The following CREB1 variants were observed in gnomAD, a reference collection of about 807,000 sequenced individuals.
The protein encoded by CREB1 is cyclic AMP-responsive element-binding protein 1.
CREB1 carries 2 observed loss-of-function variants against 42.0 expected under a neutral mutation model. The ratio of observed to expected loss-of-function variants is 0.05; its 90% CI spans 0.02 to 0.15. The LOEUF (loss-of-function observed/expected upper bound fraction) is 0.15, where lower values mean the gene tolerates loss of function less well. Among genes scored for constraint, CREB1 ranks in the 10% least tolerant of loss-of-function variants. The pLI is 1.00. For missense variants in CREB1, 199 were observed against 388.9 expected, an observed-to-expected ratio of 0.51 and a Z score of 4.11; for synonymous variants, 123 against 139.9, an observed-to-expected ratio of 0.88 and a Z score of 0.85.
chr2:207,535,920 A>C (rs1305467189), intron 1 of CREB1, among the ~76,000 whole-genome samples: 1 of 151,836 alleles, frequency 6.6e-6, no homozygotes, highest in Non-Finnish European at 1.5e-5. Flanking sequence ...TTCCTGGCTC[A>C]AGCCATCCTC....
intron 2 of CREB1, among the ~76,000 whole-genome samples, chr2:207,556,356 A>G (rs2106458278): frequency 1.3e-5 from 2 of 152,290 alleles, no homozygotes; most frequent in South Asian, 4.2e-4. Flanking sequence ...CTGTTTACAT[A>G]GATAGGAATG....
chr2:207,537,638 GT>G (rs1347714655), intron 1 of CREB1, among the ~76,000 whole-genome samples: 1 of 152,172 alleles, frequency 6.6e-6, no homozygotes. Context: ...AGAAGGTGTG[GT>G]TTTATCACAT....
chr2:207,577,956 A>G (rs1431407460), intron 7 of CREB1: 2 of 375,840 alleles, frequency 5.3e-6, no homozygotes, highest in African/African-American at 4.2e-5. Context: ...TTATTTAAAA[A>G]TGGTTTCTTT....
At chr2:207,549,294 A>G (rs1305564667) in intron 1 of CREB1, among the ~76,000 whole-genome samples, 3 of 152,216 alleles carry the variant, frequency 2.0e-5, no homozygotes, top group Admixed American at 1.3e-4. Flanking sequence ...TTTAACACCA[A>G]TAGACTATTA....
At chr2:207,559,304 A>G (rs1276555943) in intron 2 of CREB1, 1 of 980,296 alleles carries the variant, frequency 1.0e-6, no homozygotes, top group Non-Finnish European at 1.2e-6. Flanking sequence ...TTAAATTCAC[A>G]TTCTTCCCTG....
intron 1 of CREB1, among the ~76,000 whole-genome samples, chr2:207,551,720 G>C (rs1347346017): frequency 6.6e-6 from 1 of 152,052 alleles, no homozygotes; most frequent in African/African-American, 2.4e-5. Context: ...TATGGTCTCA[G>C]CTCCTAGGAT....
intron 1 of CREB1, among the ~76,000 whole-genome samples, chr2:207,545,012 C>A (rs2081243559): frequency 6.6e-6 from 1 of 152,080 alleles, no homozygotes; most frequent in Non-Finnish European, 1.5e-5. Context: ...GTGAATAGTG[C>A]TGCAGTTAAC....
At chr2:207,571,775 C>G (rs899299173) in intron 5 of CREB1, 9 of 454,010 alleles carry the variant, frequency 2.0e-5, no homozygotes, top group Middle Eastern at 3.2e-4. Context: ...GTAACAGATT[C>G]ACTGTTACAG....
chr2:207,572,043 T>A (rs1338315732), intron 5 of CREB1, among the ~76,000 whole-genome samples: 1 of 151,980 alleles, frequency 6.6e-6, no homozygotes, highest in African/African-American at 2.4e-5. Context: ...CTGCCCAACA[T>A]GGTGAAACCC....
rs573331550 is a variant in CREB1 at position 207,604,718 on chromosome 2, A to C, written c.*7660A>C. 1.1e-4 allele frequency among the ~76,000 whole-genome samples: 16 copies of C among 152,012 alleles called. No homozygotes were observed. Among genetic ancestry groups the C allele is most frequent in the African/African-American group, 3.1e-4 (13 of 41,292 alleles). The stretch of plus-strand genomic sequence containing the variant: ...AAAACATTCTCATCACTCCAAAAGT[A>C]AAGTCCCGTTACTCTCCATTTTCTC... On this transcript the variant is annotated 3_prime_UTR_variant, in exon 8 of 8. Transcript: ENST00000353267.
intron 5 of CREB1, among the ~76,000 whole-genome samples, chr2:207,570,863 C>G (rs909217543): frequency 3.3e-5 from 5 of 152,066 alleles, no homozygotes; most frequent in African/African-American, 1.2e-4. Flanking sequence ...AAAAATTGCT[C>G]TTACAAAATT....
rs1180224852 is a variant in CREB1 at position 207,577,492 on chromosome 2, CTG to C, written c.689-11_689-10del. 6 of 1,613,262 alleles carry C rather than the reference CTG, an allele frequency of 3.7e-6. No homozygotes were observed. The African/African-American group carries it at 4.0e-5, about 11-fold the overall frequency. ...ATGTTTCTGTCTTACACCATGCTCA[CTG>C]TTTTTTTCAGCTGCCTCTGGAGACG... On this transcript the variant is annotated splice_polypyrimidine_tract_variant and intron_variant, in intron 6 of 7. Transcript: ENST00000353267.
At chr2:207,559,763 T>C (rs2081882766) in intron 2 of CREB1, among the ~76,000 whole-genome samples, 1 of 152,244 alleles carries the variant, frequency 6.6e-6, no homozygotes, top group African/African-American at 2.4e-5. Flanking sequence ...TTTATGTTTC[T>C]TCAAGGATAG....
intron 7 of CREB1, among the ~76,000 whole-genome samples, chr2:207,584,132 T>C (rs1156556441): frequency 6.6e-6 from 1 of 152,174 alleles, no homozygotes; most frequent in African/African-American, 2.4e-5. Context: ...CACATAAAGG[T>C]TTTTATATGA....
chr2:207,536,674 A>G (rs2080885032), intron 1 of CREB1, among the ~76,000 whole-genome samples: 1 of 152,174 alleles, frequency 6.6e-6, no homozygotes, highest in Non-Finnish European at 1.5e-5. Context: ...AGGTTTTACT[A>G]ATATTTGATT....
chr2:207,556,505 C>T (rs1400607793), intron 2 of CREB1, among the ~76,000 whole-genome samples: 2 of 152,064 alleles, frequency 1.3e-5, no homozygotes, highest in African/African-American at 4.8e-5. Context: ...TCAGTTTCTC[C>T]AAGAGTTTAA....
chr2:207,578,520 C>G (rs751925167), intron 7 of CREB1, among the ~76,000 whole-genome samples: 11 of 152,168 alleles, frequency 7.2e-5, no homozygotes, highest in Non-Finnish European at 1.3e-4. Context: ...TATTAACCTT[C>G]TGTACCTCAG....
chr2:207,555,863 C>A, intron 2 of CREB1, 114 bp downstream of exon 2: 2 of 612,206 alleles, frequency 3.3e-6, no homozygotes, highest in Non-Finnish European at 5.8e-6. Flanking sequence ...GATACTCTTA[C>A]AATATCAAAA....
chr2:207,590,019 C>G (rs1697230361), intron 7 of CREB1, among the ~76,000 whole-genome samples: 1 of 150,040 alleles, frequency 6.7e-6, no homozygotes, highest in Admixed American at 6.7e-5. Flanking sequence ...ATTATTTAAG[C>G]CTTATATGGT....
Sources: gnomAD v4.1 joint callset for allele counts (sites outside exome capture counted in the v4.1 genomes callset) on GRCh38, gnomAD v4.1.1 for gene constraint, MANE v1.5 for transcripts, NCBI Gene and HGNC (gene_info 2026-07-23, HGNC 2026-07-21) for gene names.